The following SNRPN variants were observed in gnomAD, a reference collection of about 807,000 sequenced individuals.
SNRPN encodes small nuclear ribonucleoprotein polypeptide N.
SNRPN carries 7 observed loss-of-function variants against 25.2 expected under a neutral mutation model. The ratio of observed to expected loss-of-function variants is 0.28; its 90% CI spans 0.16 to 0.52. SNRPN has a LOEUF of 0.52. SNRPN is among the 20% of genes least tolerant of loss of function. SNRPN has a pLI of 0.96. For synonymous variants in SNRPN, 124 were observed against 110.6 expected, an observed-to-expected ratio of 1.12 and a Z score of -0.76; for missense variants, 196 against 322.5, an observed-to-expected ratio of 0.61 and a Z score of 3.00.
chr15:24,927,453 C>T (rs2152759303), intron 3 of SNRPN, among the ~76,000 whole-genome samples: 1 of 139,578 alleles, frequency 7.2e-6, no homozygotes, highest in East Asian at 2.3e-4. Context: ...CCCTCTGTTT[C>T]CCACTGCTTA....
intron 2 of SNRPN, chr15:24,910,861 C>A: frequency 1.7e-6 from 1 of 590,254 alleles, no homozygotes; most frequent in South Asian, 2.4e-5. Context: ...CATCTTGATT[C>A]AGGGTGCTTT....
chr15:24,930,791 C>T (rs892587018), intron 3 of SNRPN, among the ~76,000 whole-genome samples: 4 of 151,670 alleles, frequency 2.6e-5, no homozygotes, highest in Middle Eastern at 3.4e-3. Context: ...CCCAGCTACT[C>T]GGGAGGCTGA....
In SNRPN at chr15:24,978,444, G is replaced by A. The variant is rs2077313887; in HGVS notation, c.723G>A (p.Ter241=). Reference sequence around the variant, plus strand: ...CAGGAATGCGTCCACCAAGACCTTAGCATACTGTTGATCCATCTCAGTCAC... The same window carrying A: ...CAGGAATGCGTCCACCAAGACCTTAACATACTGTTGATCCATCTCAGTCAC... ...PPPGMRPPRP[*] Residue 241 remains the stop codon, a stop_retained_variant, in exon 10 of 10, where the codon TAG becomes TAA. Coordinates refer to ENST00000390687, the MANE Select transcript of SNRPN (RefSeq NM_003097.6). The A allele has an allele frequency of 1.9e-6, 3 of 1,613,244 alleles. No individual in the cohort carries two copies. The highest frequency in any genetic ancestry group is 2.5e-6 in the Non-Finnish European group (3 of 1,179,730).
At chr15:24,849,620 C>G (rs1041259399) in intron 2 of SNRPN, 1 of 152,224 alleles carries the variant, frequency 6.6e-6, no homozygotes, top group African/African-American at 2.4e-5. Context: ...CTGTGAACAA[C>G]TATGTCCACC....
At chr15:24,964,863 C>T (rs1313867259) in intron 2 of SNRPN, among the ~76,000 whole-genome samples, 1 of 152,126 alleles carries the variant, frequency 6.6e-6, no homozygotes, top group Admixed American at 6.5e-5. Context: ...GCATCTTGTC[C>T]ATATTTATGG....
intron 1 of SNRPN, among the ~76,000 whole-genome samples, chr15:24,957,006 G>T (rs529491548): frequency 6.6e-6 from 1 of 152,246 alleles, no homozygotes; most frequent in Non-Finnish European, 1.5e-5. Context: ...CTGGAAAATC[G>T]TACCTTTTCA....
In SNRPN at chr15:24,973,672, T is replaced by C. The variant is rs551762488; in HGVS notation, c.-143-639T>C. ...GCCTTGGCCTCCCCTGGTGCTGGGA[T>C]TACAGGCGTGAGCCACCTCACCCGG... On this transcript the variant is annotated intron_variant, in intron 3 of 9. Coordinates refer to ENST00000390687, the MANE Select transcript of SNRPN (RefSeq NM_003097.6). Among the ~76,000 whole-genome samples, 5 of 152,332 alleles carry C rather than the reference T, an allele frequency of 3.3e-5. No individual in the cohort carries two copies. In the South Asian group the frequency reaches 1.0e-3, roughly 32 times the overall value.
At chr15:24,864,829 G>A (rs1373046829) in intron 1 of SNRPN, among the ~76,000 whole-genome samples, 1 of 151,978 alleles carries the variant, frequency 6.6e-6, no homozygotes, top group East Asian at 1.9e-4. Flanking sequence ...TAATCTCCAT[G>A]TATTTTGAAG....
chr15:24,934,881 G>A (rs1241545674), intron 3 of SNRPN, among the ~76,000 whole-genome samples: 2 of 152,174 alleles, frequency 1.3e-5, no homozygotes, highest in Non-Finnish European at 2.9e-5. Flanking sequence ...ATGGCCAGAT[G>A]GGGGCAGGTA....
chr15:24,892,816 T>A (rs11161154), intron 2 of SNRPN, among the ~76,000 whole-genome samples: 60,803 of 151,900 alleles, frequency 0.4, 13,161 homozygotes, highest in East Asian at 0.68. Context: ...TTGTGAAAGC[T>A]TATAGCCAAC....
In SNRPN at chr15:24,885,758, C is replaced by T. The variant is rs1193641585; in HGVS notation, c.-578-758C>T. Among the ~76,000 whole-genome samples the T allele has an allele frequency of 8.1e-5, 9 of 110,968 alleles. No individual in the cohort carries two copies. The South Asian group carries it at 2.8e-3, about 34-fold the overall frequency. The allele number at this position is 110,968 out of a possible 152,430, so 72.8% of individuals were successfully genotyped here. ...TGTGTGTGTGTGTGTGTGTGTATGT[C>T]TGGGTGTGTGAATATTGTTTTTATT... On this transcript the variant is annotated intron_variant, in intron 1 of 11. Coordinates refer to the SNRPN transcript ENST00000400097.
chr15:24,928,225 CTGAG>C (rs2060544667), intron 3 of SNRPN, among the ~76,000 whole-genome samples: 2 of 152,216 alleles, frequency 1.3e-5, no homozygotes, highest in African/African-American at 2.4e-5. Flanking sequence ...AATTCCACTA[CTGAG>C]TATTTATCCA....
intron 2 of SNRPN, among the ~76,000 whole-genome samples, chr15:24,905,947 C>T (rs996420275): frequency 9.2e-5 from 14 of 151,890 alleles, no homozygotes; most frequent in Non-Finnish European, 1.6e-4. Flanking sequence ...ACTGTAGGAA[C>T]GAAAAAGTAA....
chr15:24,845,870 G>A (rs2052150907), intron 2 of SNRPN, among the ~76,000 whole-genome samples: 1 of 151,862 alleles, frequency 6.6e-6, no homozygotes, highest in Non-Finnish European at 1.5e-5. Flanking sequence ...GGATCACGAC[G>A]TCAGGAGCTT....
intron 2 of SNRPN, among the ~76,000 whole-genome samples, chr15:24,965,621 A>G (rs1477318485): frequency 1.3e-5 from 2 of 152,148 alleles, no homozygotes; most frequent in African/African-American, 4.8e-5. Context: ...ATTAGCTCTT[A>G]TTCTTTGGGG....
chr15:24,835,150 TA>T (rs1489617689), intron 2 of SNRPN, among the ~76,000 whole-genome samples: 1 of 64,866 alleles, frequency 1.5e-5, no homozygotes, highest in African/African-American at 5.1e-5. Context: ...ATACTATATA[TA>T]AAATATATAG....
intron 3 of SNRPN, among the ~76,000 whole-genome samples, chr15:24,938,661 C>G (rs2061384226): frequency 6.6e-6 from 1 of 152,146 alleles, no homozygotes; most frequent in South Asian, 2.1e-4. Context: ...AGGTTTTGGT[C>G]AGGAGGCAGA....
intron 1 of SNRPN, among the ~76,000 whole-genome samples, chr15:24,883,642 T>C (rs75930744): frequency 0.011 from 1,672 of 152,300 alleles, 27 homozygotes; most frequent in African/African-American, 0.038. Flanking sequence ...ATATCTGTGC[T>C]TCTTTGTGGA....
intron 3 of SNRPN, among the ~76,000 whole-genome samples, chr15:24,945,297 ATCCTTTCC>A (rs1452799515): frequency 1.4e-5 from 2 of 144,284 alleles, no homozygotes; most frequent in African/African-American, 2.6e-5. Context: ...TTTTCCTTGG[ATCCTTTCC>A]TCCTTTCCTC....
Sources: allele counts gnomAD v4.1 joint callset (sites outside exome capture counted in the v4.1 genomes callset), GRCh38; gene constraint gnomAD v4.1.1; transcripts MANE v1.5; gene names NCBI Gene and HGNC (gene_info 2026-07-23, HGNC 2026-07-21).